TSEN2: variants seen among roughly 807,000 people sequenced by gnomAD.
TSEN2 encodes tRNA splicing endonuclease subunit 2, also known as tRNA-splicing endonuclease subunit Sen2.
A neutral mutation model predicts 59.2 loss-of-function variants in TSEN2; 54 were observed. The ratio of observed to expected loss-of-function variants is 0.91; its 90% CI spans 0.73 to 1.14. The LOEUF is 1.14. Among genes scored for constraint, TSEN2 ranks in the 50% most tolerant of loss-of-function variants. TSEN2 has a pLI of 0.00. For missense variants in TSEN2, 636 were observed against 576.2 expected, an observed-to-expected ratio of 1.10 and a Z score of -1.06; for synonymous variants, 195 against 198.2, an observed-to-expected ratio of 0.98 and a Z score of 0.14.
chr3:12,489,167 G>C (rs1000915382), intron 1 of TSEN2, among the ~76,000 whole-genome samples: 1 of 150,236 alleles, frequency 6.7e-6, no homozygotes, highest in African/African-American at 2.5e-5. Context: ...TGATAGTCTG[G>C]CTTTAGAGTC....
intron 6 of TSEN2, among the ~76,000 whole-genome samples, chr3:12,510,315 G>A (rs2055301418): frequency 6.6e-6 from 1 of 152,172 alleles, no homozygotes; most frequent in Non-Finnish European, 1.5e-5. Flanking sequence ...CTTTAACTGT[G>A]TTGATATCAT....
At chr3:12,492,018 C>T (rs934853333) in intron 2 of TSEN2, 118 bp from the exon 3 acceptor site, 3 of 816,722 alleles carry the variant, frequency 3.7e-6, no homozygotes, top group South Asian at 2.9e-5. Flanking sequence ...ATTTTGGTAT[C>T]CACCAGAGGT....
chr3:12,528,794 A>G (rs1023966292), intron 8 of TSEN2, 94 bp from the exon 9 acceptor site: 11 of 1,324,692 alleles, frequency 8.3e-6, no homozygotes, highest in Non-Finnish European at 1.2e-5. Flanking sequence ...CCTTTTGGAG[A>G]AGAAAAGTTA....
chr3:12,518,572 T>C (rs73013442), intron 7 of TSEN2, among the ~76,000 whole-genome samples: 11,263 of 152,314 alleles, frequency 0.074, 542 homozygotes, highest in Admixed American at 0.16. Flanking sequence ...ATGGGAGCCA[T>C]GTGTATAATT....
chr3:12,488,612 G>A (rs2052881456), intron 1 of TSEN2, among the ~76,000 whole-genome samples: 1 of 152,146 alleles, frequency 6.6e-6, no homozygotes. Flanking sequence ...CCTGCTTTCT[G>A]TGCTTCCAGC....
intron 6 of TSEN2, chr3:12,514,773 G>A (rs916848294): frequency 2.6e-5 from 4 of 152,046 alleles, no homozygotes; most frequent in Non-Finnish European, 4.4e-5. Flanking sequence ...CCCTGCCCAC[G>A]GATGACACAA....
intron 6 of TSEN2, chr3:12,505,709 G>A (rs138173185): frequency 0.025 from 3,913 of 155,990 alleles, 175 homozygotes; most frequent in African/African-American, 0.088. Flanking sequence ...GCTTGAACCC[G>A]GGAGGTGGAG....
intron 8 of TSEN2, among the ~76,000 whole-genome samples, chr3:12,524,308 A>G (rs577246615): frequency 1.3e-5 from 2 of 152,316 alleles, no homozygotes; most frequent in East Asian, 3.9e-4. Context: ...ATAAGAAATT[A>G]CCACAAATTG....
chr3:12,480,528 G>GGTTTTTTTTTTTT (rs1553565213), upstream of TSEN2, among the ~76,000 whole-genome samples: 314 of 91,736 alleles, frequency 3.4e-3, 18 homozygotes, highest in African/African-American at 0.014. Context: ...TTGTTTCTTT[G>GGTTTTTTTTTTTT]TTTTTTTTTT....
chr3:12,525,740 A>T (rs2923018), intron 8 of TSEN2, among the ~76,000 whole-genome samples: 151,600 of 151,602 alleles, frequency 1, 75,799 homozygotes, highest in Non-Finnish European at 1. Flanking sequence ...TTATTTTGTG[A>T]TTTTAGTAGA....
chr3:12,525,881 A>G (rs576117549), intron 8 of TSEN2, among the ~76,000 whole-genome samples: 10 of 152,084 alleles, frequency 6.6e-5, no homozygotes, highest in African/African-American at 2.2e-4. Flanking sequence ...TCACACCAGC[A>G]TTACCACAAA....
chr3:12,530,466 T>A, intron 10 of TSEN2: 2 of 985,534 alleles, frequency 2.0e-6, no homozygotes, highest in Non-Finnish European at 2.4e-6. Flanking sequence ...CGTGTTGCCA[T>A]CAGAGATAGG....
chr3:12,505,008 T>A lies in TSEN2; in HGVS notation c.832-146T>A, dbSNP rs529199812. 2.8e-4 allele frequency: 182 copies of A among 658,268 alleles called. No homozygotes were observed. The African/African-American group carries it at 3.0e-3, about 11-fold the overall frequency. The allele number at this position is 658,268 out of a possible 1,614,324, so 40.8% of individuals were successfully genotyped here. On this transcript the variant is annotated intron_variant, in intron 5 of 11. Coordinates refer to ENST00000284995, the MANE Select transcript of TSEN2 (RefSeq NM_025265.4). Reference sequence around the variant, plus strand: ...AGAGCAAGAGTCCGTCTCAAAAAAATTGTGTTTTAATCATTCTTTATAATA... The same window carrying A: ...AGAGCAAGAGTCCGTCTCAAAAAAAATGTGTTTTAATCATTCTTTATAATA...
intron 10 of TSEN2, chr3:12,530,718 C>A (rs779358819): frequency 2.4e-4 from 240 of 985,350 alleles, no homozygotes; most frequent in Non-Finnish European, 2.7e-4. Context: ...TATACTGTTT[C>A]TAGAATTTTT....
intron 2 of TSEN2, 137 bp from the exon 3 acceptor site, chr3:12,491,999 C>A: frequency 1.4e-6 from 1 of 705,510 alleles, no homozygotes; most frequent in Non-Finnish European, 2.6e-6. Flanking sequence ...GGGACTCGAC[C>A]ATCTGCCGAT....
chr3:12,505,686 AG>A (rs1195685323), intron 6 of TSEN2: 1 of 155,572 alleles, frequency 6.4e-6, no homozygotes, highest in Non-Finnish European at 1.4e-5. Context: ...CAGGAGACTG[AG>A]GCAGGAGAAT....
intron 3 of TSEN2, 94 bp from the exon 4 acceptor site, chr3:12,496,424 G>A: frequency 7.4e-7 from 1 of 1,351,642 alleles, no homozygotes; most frequent in Non-Finnish European, 1.1e-6. Context: ...GTGTGATTTT[G>A]TGAATCTTAA....
At chr3:12,492,423 T>C (rs1243030462) in intron 3 of TSEN2, among the ~76,000 whole-genome samples, 2 of 152,224 alleles carry the variant, frequency 1.3e-5, no homozygotes, top group African/African-American at 2.4e-5. Context: ...AATTATCAAG[T>C]GTTAATTGGG....
upstream of TSEN2, among the ~76,000 whole-genome samples, chr3:12,480,528 G>GGTTTT (rs1553565213): frequency 6.5e-5 from 6 of 91,748 alleles, no homozygotes; most frequent in Admixed American, 2.6e-4. Flanking sequence ...TTGTTTCTTT[G>GGTTTT]TTTTTTTTTT....
Sources: allele counts gnomAD v4.1 joint callset (sites outside exome capture counted in the v4.1 genomes callset), GRCh38; gene constraint gnomAD v4.1.1; transcripts MANE v1.5; gene names NCBI Gene and HGNC (gene_info 2026-07-23, HGNC 2026-07-21).